Variants in PI4KB observed in about 807,000 individuals in gnomAD.
The protein encoded by PI4KB is phosphatidylinositol 4-kinase beta.
Under a neutral mutation model 81.4 loss-of-function variants are expected in PI4KB, and 23 were observed. That is an observed-to-expected ratio of 0.28 (90% CI 0.20 to 0.40). The LOEUF (loss-of-function observed/expected upper bound fraction) is 0.40. Among genes scored for constraint, PI4KB ranks in the 10% least tolerant of loss-of-function variants. The pLI, the probability that PI4KB is intolerant of heterozygous loss-of-function variation, is 1.00. For missense variants in PI4KB, 651 were observed against 1,036.6 expected (o/e 0.63, Z 5.11); for synonymous variants, 381 against 406.8 (o/e 0.94, Z 0.76).
chr1:151,319,332 C>A (rs1648503226), intron 1 of PI4KB, among the ~76,000 whole-genome samples: 1 of 151,882 alleles, frequency 6.6e-6, no homozygotes, highest in Admixed American at 6.6e-5. Context: ...ATCCTCATCA[C>A]CTAAAAGGTT....
chr1:151,326,846 A>G (rs1649678232), intron 1 of PI4KB, among the ~76,000 whole-genome samples: 1 of 152,164 alleles, frequency 6.6e-6, no homozygotes, highest in Non-Finnish European at 1.5e-5. Flanking sequence ...GGAGTTGCAC[A>G]GGGACATAGG....
intron 2 of PI4KB, among the ~76,000 whole-genome samples, chr1:151,310,972 A>C (rs939058537): frequency 6.6e-6 from 1 of 152,152 alleles, no homozygotes; most frequent in Non-Finnish European, 1.5e-5. Flanking sequence ...ATGACAATCA[A>C]TATACTACAA....
intron 11 of PI4KB, 117 bp downstream of exon 11, chr1:151,293,901 T>G: frequency 1.7e-6 from 2 of 1,171,110 alleles, no homozygotes; most frequent in Non-Finnish European, 2.4e-6. Flanking sequence ...CTAGAAACTC[T>G]CTGGGAACCC....
chr1:151,293,813 C>G (rs926855424), intron 11 of PI4KB: 12 of 554,818 alleles, frequency 2.2e-5, no homozygotes, highest in Non-Finnish European at 9.3e-6. Flanking sequence ...CTGCTATCCC[C>G]TTCCCCAGCC....
chr1:151,322,784 T>C (rs1407250250), intron 1 of PI4KB, among the ~76,000 whole-genome samples: 2 of 152,124 alleles, frequency 1.3e-5, no homozygotes, highest in African/African-American at 4.8e-5. Flanking sequence ...TTGCCCAGGT[T>C]GGAGTGCAGT....
chr1:151,311,707 G>A (rs1696242802), intron 2 of PI4KB, among the ~76,000 whole-genome samples: 1 of 152,190 alleles, frequency 6.6e-6, no homozygotes, highest in African/African-American at 2.4e-5. Flanking sequence ...GACAGCCCTG[G>A]GGGAAGGGAG....
chr1:151,292,597 G>A lies in PI4KB; in HGVS notation c.*255C>T, dbSNP rs147013798. On this transcript the variant is annotated 3_prime_UTR_variant, in exon 12 of 12. Coordinates refer to ENST00000368873, the MANE Select transcript of PI4KB (RefSeq NM_001369623.2). ...TGTTTTCTGGAGGGCAGTGAGTCCT[G>A]GAGTCAGTCTGGTGGTAATACTGAC... is the stretch of plus-strand genomic sequence containing the variant. 3.1e-3 allele frequency: 1,533 copies of A among 501,574 alleles called. 4 individuals are homozygous for A. The highest frequency in any genetic ancestry group is 4.0e-3 in the Non-Finnish European group (1,105 of 278,934). 31.1% of individuals were successfully genotyped at this position (501,574 alleles called of 1,614,324 possible). A position where few individuals can be genotyped will look rare whatever the true frequency, so the allele number is the denominator to read the frequency against.
chr1:151,300,981 A>G (rs931565861), intron 8 of PI4KB: 2 of 152,258 alleles, frequency 1.3e-5, no homozygotes, highest in African/African-American at 4.8e-5. Context: ...GGAAGTTTTG[A>G]TCTAAAAGGC....
chr1:151,315,685 G>A lies in PI4KB; in HGVS notation c.797C>T (p.Ser266Phe), dbSNP rs758408953. 115 of 1,613,750 alleles carry A rather than the reference G, an allele frequency of 7.1e-5. No individual in the cohort carries two copies. Among genetic ancestry groups the A allele is most frequent in the Non-Finnish European group, 9.2e-5 (109 of 1,179,784 alleles). ...SLSPAPDTGLSPSKRTHQRSK... is the reference protein window; with the variant it reads ...SLSPAPDTGLFPSKRTHQRSK... ...GCGCTGGTGAGTCCTTTTGGAGGGA[G>A]ACAGCCCTGTGTCAGGGGCCGGGCT... Residue 266 changes from serine to phenylalanine, a missense_variant, in exon 2 of 12, where the codon TCT becomes TTT. By Grantham distance (155) the Ser-to-Phe change is radical. Transcript: ENST00000368873.
chr1:151,310,338 A>T, intron 2 of PI4KB, 83 bp from the exon 3 acceptor site: 1 of 887,224 alleles, frequency 1.1e-6, no homozygotes, highest in South Asian at 1.5e-5. Context: ...TTTAGCTCCA[A>T]CTTGGATCGT....
chr1:151,301,799 T>G (rs768288431), intron 8 of PI4KB, 45 bp downstream of exon 8: 2 of 1,596,576 alleles, frequency 1.3e-6, no homozygotes, highest in Non-Finnish European at 1.7e-6. Context: ...CCCAGAGTGC[T>G]GGGATTACAG....
rs1233982385 is a variant in PI4KB at position 151,307,759 on chromosome 1, T to G, written c.997A>C (p.Met333Leu). 1.2e-6 allele frequency: 2 copies of G among 1,614,166 alleles called. No individual in the cohort carries two copies. Among genetic ancestry groups the G allele is most frequent in the Non-Finnish European group, 1.7e-6 (2 of 1,180,020 alleles). The part of the protein sequence containing the change: ...APEREFIKSL[M>L]AIGKRLATLP... ...GTGGCCAGCCGCTTGCCGATCGCCA[T>G]CAGGGACTTGATGAATTCTCTCTCA... The change falls in exon 4 of 12, where the codon ATG becomes CTG. Residue 333 changes from methionine (M) to leucine (L), a missense_variant. Transcript: ENST00000368873.
chr1:151,327,476 C>T, upstream of PI4KB: 1 of 396,980 alleles, frequency 2.5e-6, no homozygotes, highest in Middle Eastern at 6.3e-4. Context: ...TTCGACCGGG[C>T]CACACAACCT....
At chr1:151,303,182 A>ATTGG (rs1271795757) in intron 6 of PI4KB, among the ~76,000 whole-genome samples, 1 of 145,544 alleles carries the variant, frequency 6.9e-6, no homozygotes, top group Non-Finnish European at 1.5e-5. Flanking sequence ...TGTATTTTTA[A>ATTGG]TAGAGACGGA....
rs1214245132 is a variant in PI4KB at position 151,315,677 on chromosome 1, T to C, written c.805A>G (p.Lys269Glu). 6.2e-7 allele frequency: 1 copy of C among 1,614,144 alleles called. No homozygotes were observed. The highest frequency in any genetic ancestry group is 1.7e-5 in the Admixed American group (1 of 60,012). The change falls in exon 2 of 12, where the codon AAA becomes GAA. Residue 269 changes from lysine (K) to glutamate (E), a missense_variant. Coordinates refer to ENST00000368873, the MANE Select transcript of PI4KB (RefSeq NM_001369623.2). ...PAPDTGLSPS[K>E]RTHQRSKSDA... Reference sequence around the variant, plus strand: ...GACTTAGAGCGCTGGTGAGTCCTTTTGGAGGGAGACAGCCCTGTGTCAGGG... The same window carrying C: ...GACTTAGAGCGCTGGTGAGTCCTTTCGGAGGGAGACAGCCCTGTGTCAGGG...
rs1409561100 is a variant in PI4KB, at chr1:151,310,227, T to A, written c.938A>T (p.Asp313Val). ...EELSSSTESIDNSFSSPVRLA... is the reference protein window; with the variant it reads ...EELSSSTESIVNSFSSPVRLA... ...CCCACTTACGGAACTGAATGAATTA[T>A]CAATACTCTCGGTGCTGGAGGAGAG... The change falls in exon 3 of 12, where the codon GAT becomes GTT. Residue 313 changes from aspartate to valine, a missense_variant. This residue lies in a region of PI4KB where 314 missense variants were observed against 397.8 expected (regional missense o/e 0.79). Coordinates refer to ENST00000368873, the MANE Select transcript of PI4KB (RefSeq NM_001369623.2). The A allele has an allele frequency of 6.4e-7, 1 of 1,570,120 alleles. No homozygotes were observed. The highest frequency in any genetic ancestry group is 1.7e-5 in the Admixed American group (1 of 58,148).
intron 11 of PI4KB, chr1:151,293,568 G>T: frequency 2.7e-6 from 1 of 371,906 alleles, no homozygotes; most frequent in Non-Finnish European, 5.0e-6. Flanking sequence ...GGGGTCCTGG[G>T]CAAAAGACTG....
In PI4KB at chr1:151,294,114, T is replaced by C. The variant is rs926614750; in HGVS notation, c.2173A>G (p.Met725Val). 6.2e-7 allele frequency: 1 copy of C among 1,613,800 alleles called. No individual in the cohort carries two copies. The highest frequency in any genetic ancestry group is 8.5e-7 in the Non-Finnish European group (1 of 1,179,914). The stretch of plus-strand genomic sequence containing the variant: ...ATCAGCATCTTATAGTAGTTGAACA[T>C]GTCGCCATCCAGGCCGCCCATCACC... ...VDVMGGLDGD[M>V]FNYYKMLMLQ... is the part of the protein sequence containing the mutation. The change falls in exon 11 of 12, where the codon ATG becomes GTG. Residue 725 changes from methionine (M) to valine (V), a missense_variant. Physicochemically the swap from Met to Val is conservative, Grantham distance 21. Transcript: ENST00000368873.
chr1:151,292,536 A>G lies in PI4KB; in HGVS notation c.*316T>C. 2 of 291,440 alleles carry G rather than the reference A, an allele frequency of 6.9e-6. No individual in the cohort carries two copies. The highest frequency in any genetic ancestry group is 1.6e-4 in the East Asian group (2 of 12,342). 18.1% of individuals were successfully genotyped at this position (291,440 alleles called of 1,614,324 possible). On this transcript the variant is annotated 3_prime_UTR_variant, in exon 12 of 12. Coordinates refer to ENST00000368873, the MANE Select transcript of PI4KB (RefSeq NM_001369623.2). ...ACCTCTGAGAGACCCCTACAAGGAG[A>G]AGAAAGGCCCCAGTGTCCCTCACAT...
Sources: gnomAD v4.1 joint callset for allele counts (sites outside exome capture counted in the v4.1 genomes callset) on GRCh38, gnomAD v4.1.1 for gene constraint, gnomAD v4.1.1 regional missense constraint, MANE v1.5 for transcripts, NCBI Gene and HGNC (gene_info 2026-07-23, HGNC 2026-07-21) for gene names.